Variants in CCBE1 observed in about 807,000 individuals in gnomAD.
The protein encoded by CCBE1 is collagen and calcium binding EGF domains 1.
Under a neutral mutation model 50.0 loss-of-function variants are expected in CCBE1, and 37 were observed. The observed-to-expected ratio is 0.74, with a 90% confidence interval of 0.57 to 0.97. The LOEUF (loss-of-function observed/expected upper bound fraction) is 0.97. Among genes scored for constraint, CCBE1 ranks in the 50% least tolerant of loss-of-function variants. The probability of loss-of-function intolerance (pLI) is 0.00; values close to 1 mark genes in which losing one functional copy is unlikely to be tolerated. For missense variants in CCBE1, 538 were observed against 523.8 expected, an observed-to-expected ratio of 1.03 and a Z score of -0.26; for synonymous variants, 234 against 203.7, an observed-to-expected ratio of 1.15 and a Z score of -1.27.
chr18:59,668,392 G>C (rs1344249037), intron 2 of CCBE1, among the ~76,000 whole-genome samples: 1 of 150,016 alleles, frequency 6.7e-6, no homozygotes, highest in Non-Finnish European at 1.5e-5. Context: ...ACTCCAGCCT[G>C]GGCGACAAAG....
chr18:59,684,744 G>A (rs577929402), intron 2 of CCBE1, among the ~76,000 whole-genome samples: 1 of 152,290 alleles, frequency 6.6e-6, no homozygotes, highest in Admixed American at 6.5e-5. Flanking sequence ...ATTATAGACA[G>A]ACATATTTGG....
At chr18:59,670,631 C>T (rs1158896127) in intron 2 of CCBE1, among the ~76,000 whole-genome samples, 1 of 152,166 alleles carries the variant, frequency 6.6e-6, no homozygotes, top group Non-Finnish European at 1.5e-5. Context: ...ATATCTTACA[C>T]CAAGGAATCC....
chr18:59,493,936 GCTCT>G (rs752754849), intron 2 of CCBE1, among the ~76,000 whole-genome samples: 1 of 152,062 alleles, frequency 6.6e-6, no homozygotes, highest in Non-Finnish European at 1.5e-5. Context: ...CCCTGCACAA[GCTCT>G]CTCTCTTTGC....
chr18:59,641,753 A>T (rs1026631941), intron 2 of CCBE1, among the ~76,000 whole-genome samples: 1 of 152,216 alleles, frequency 6.6e-6, no homozygotes, highest in Non-Finnish European at 1.5e-5. Flanking sequence ...GAACAAAATC[A>T]AAAGTCCAAA....
At chr18:59,517,813 T>A (rs1914438359) in intron 2 of CCBE1, among the ~76,000 whole-genome samples, 1 of 152,222 alleles carries the variant, frequency 6.6e-6, no homozygotes, top group Non-Finnish European at 1.5e-5. Context: ...ACTGAAAGTC[T>A]CACTCCTTGA....
At chr18:59,601,033 T>G (rs934960769) in intron 2 of CCBE1, among the ~76,000 whole-genome samples, 2 of 104,924 alleles carry the variant, frequency 1.9e-5, no homozygotes, top group African/African-American at 8.7e-5. Context: ...TTTTTTTTTT[T>G]TTTTTTTTTT....
chr18:59,570,747 G>C (rs1409542582), intron 2 of CCBE1, among the ~76,000 whole-genome samples: 1 of 152,206 alleles, frequency 6.6e-6, no homozygotes, highest in Non-Finnish European at 1.5e-5. Flanking sequence ...TGCTCTGTGT[G>C]TGAGGTTTTC....
In CCBE1 at chr18:59,591,781, T is replaced by C. The variant is rs79387605; in HGVS notation, c.212+104848A>G. ...CAGAAACTACAAGTCCATTTACCTC[T>C]TGACCCCAGCAGTCTCGCTTTTAGG... is the stretch of plus-strand genomic sequence containing the variant. On this transcript the variant is annotated intron_variant, in intron 2 of 10. Transcript: ENST00000439986. 7.4e-3 allele frequency among the ~76,000 whole-genome samples: 1,122 copies of C among 152,332 alleles called. 26 individuals carry two copies. The East Asian group carries it at 0.079, about 11-fold the overall frequency.
At chr18:59,596,290 C>T (rs1485654679) in intron 2 of CCBE1, among the ~76,000 whole-genome samples, 2 of 152,148 alleles carry the variant, frequency 1.3e-5, no homozygotes, top group Admixed American at 1.3e-4. Context: ...CTCACCCTGA[C>T]CCTAGGCCAG....
chr18:59,523,118 A>G (rs1914678035), intron 2 of CCBE1, among the ~76,000 whole-genome samples: 2 of 151,996 alleles, frequency 1.3e-5, no homozygotes, highest in African/African-American at 4.8e-5. Context: ...CACTCTCCAG[A>G]AAGTTCCACC....
intron 2 of CCBE1, among the ~76,000 whole-genome samples, chr18:59,575,388 T>G (rs149123508): frequency 6.6e-6 from 1 of 152,262 alleles, no homozygotes; most frequent in Non-Finnish European, 1.5e-5. Flanking sequence ...AAGGGGAAAG[T>G]GCACTTTTCT....
chr18:59,636,173 G>A (rs943748552), intron 2 of CCBE1, among the ~76,000 whole-genome samples: 1 of 151,892 alleles, frequency 6.6e-6, no homozygotes, highest in Admixed American at 6.6e-5. Flanking sequence ...TAAAGCCCTA[G>A]CTCTGAACTC....
intron 2 of CCBE1, among the ~76,000 whole-genome samples, chr18:59,657,608 T>C (rs1201730626): frequency 6.6e-6 from 1 of 152,206 alleles, no homozygotes; most frequent in Admixed American, 6.5e-5. Flanking sequence ...AAACATACAT[T>C]GGGCCAAGCA....
chr18:59,659,498 G>A (rs1266019230), intron 2 of CCBE1, among the ~76,000 whole-genome samples: 1 of 152,126 alleles, frequency 6.6e-6, no homozygotes, highest in Non-Finnish European at 1.5e-5. Flanking sequence ...TCTGAGAAGT[G>A]ATTTGGTCGC....
At chr18:59,559,579 G>A (rs1242090145) in intron 2 of CCBE1, among the ~76,000 whole-genome samples, 1 of 152,232 alleles carries the variant, frequency 6.6e-6, no homozygotes, top group Non-Finnish European at 1.5e-5. Flanking sequence ...TGTTACAGCT[G>A]GCGGAAGCAT....
chr18:59,599,003 T>A (rs1249440732), intron 2 of CCBE1, among the ~76,000 whole-genome samples: 3 of 152,290 alleles, frequency 2.0e-5, no homozygotes, highest in Non-Finnish European at 4.4e-5. Context: ...AATTCAGCCA[T>A]GGCCGATATC....
At chr18:59,449,625 CAAAA>C (rs34310128) in intron 6 of CCBE1, among the ~76,000 whole-genome samples, 5 of 126,350 alleles carry the variant, frequency 4.0e-5, no homozygotes, top group Non-Finnish European at 1.7e-5. Context: ...AGACTCTGTC[CAAAA>C]AAAAAAAAAA....
chr18:59,617,180 A>C (rs1158573917), intron 2 of CCBE1, among the ~76,000 whole-genome samples: 1 of 152,254 alleles, frequency 6.6e-6, no homozygotes, highest in Non-Finnish European at 1.5e-5. Context: ...CATCACTGGA[A>C]CATGGCATCA....
intron 2 of CCBE1, among the ~76,000 whole-genome samples, chr18:59,503,138 G>A (rs997914057): frequency 3.9e-5 from 6 of 152,326 alleles, no homozygotes; most frequent in Non-Finnish European, 7.3e-5. Context: ...ACTGTGACAT[G>A]AGGACAGCTG....
Sources: gnomAD v4.1 joint callset for allele counts (sites outside exome capture counted in the v4.1 genomes callset) on GRCh38, gnomAD v4.1.1 for gene constraint, MANE v1.5 for transcripts, NCBI Gene and HGNC (gene_info 2026-07-23, HGNC 2026-07-21) for gene names.